The following TRIM15 variants were observed in gnomAD, a reference collection of about 807,000 sequenced individuals.
The protein encoded by TRIM15 is E3 ubiquitin-protein ligase TRIM15.
A neutral mutation model predicts 35.8 loss-of-function variants in TRIM15; 35 were observed. That is an observed-to-expected ratio of 0.98 (90% CI 0.75 to 1.30). The LOEUF (loss-of-function observed/expected upper bound fraction) is 1.30, where lower values mean the gene tolerates loss of function less well. Among genes scored for constraint, TRIM15 ranks in the 50% most tolerant of loss-of-function variants. The probability of loss-of-function intolerance (pLI) is 0.00; values close to 1 mark genes in which losing one functional copy is unlikely to be tolerated. For synonymous variants in TRIM15, 252 were observed against 249.8 expected (o/e 1.01, Z -0.08); for missense variants, 590 against 593.5 (o/e 0.99, Z 0.06).
At chr6:30,164,094 G>C (rs754721124) in intron 1 of TRIM15, 29 bp downstream of exon 1, 1 of 1,589,682 alleles carries the variant, frequency 6.3e-7, no homozygotes, top group Non-Finnish European at 8.6e-7. Flanking sequence ...CCTAGGGCCT[G>C]TTTGGGGCAG....
intron 5 of TRIM15, 62 bp downstream of exon 5, chr6:30,170,678 A>G (rs1213333421): frequency 1.5e-6 from 2 of 1,319,826 alleles, no homozygotes; most frequent in South Asian, 1.3e-5. Context: ...TCTTCCACCC[A>G]TCTCCATCCT....
rs375119144 is a variant in TRIM15 at position 30,171,963 on chromosome 6, G to A, written c.1012G>A (p.Val338Ile). 1.3e-6 allele frequency: 2 copies of A among 1,593,026 alleles called. No homozygotes were observed. Among genetic ancestry groups the A allele is most frequent in the African/African-American group, 1.3e-5 (1 of 74,662 alleles). ...CCTGCGCTTCGACGGCCTCCCGGCG[G>A]TTCTGGGCTTCCCGGGCTTCTCCTC... ...SPLRFDGLPAVLGFPGFSSGR... is the reference protein window; with the variant it reads ...SPLRFDGLPAILGFPGFSSGR... The change falls in exon 7 of 7, where the codon GTT (valine) becomes ATT (isoleucine). Residue 338 changes from valine (V) to isoleucine (I), a missense_variant. Val to Ile is a conservative substitution (Grantham distance 29). Coordinates refer to ENST00000376694, the MANE Select transcript of TRIM15 (RefSeq NM_033229.3).
rs765419095 is a variant in TRIM15, at chr6:30,172,362, G to A, written c.*13G>A. ...GCTGAAAGGCTGAAGTGGGGCGCGC[G>A]AAGGGCGGCGAAGCGGAGACGGCGG... On this transcript the variant is annotated 3_prime_UTR_variant, in exon 7 of 7. Coordinates refer to ENST00000376694, the MANE Select transcript of TRIM15 (RefSeq NM_033229.3). 2 of 1,577,530 alleles carry A rather than the reference G, an allele frequency of 1.3e-6. No individual in the cohort carries two copies. Among genetic ancestry groups the A allele is most frequent in the African/African-American group, 2.7e-5 (2 of 74,048 alleles).
intron 3 of TRIM15, 65 bp downstream of exon 3, chr6:30,168,595 A>G (rs908737269): frequency 2.8e-5 from 41 of 1,453,952 alleles, no homozygotes; most frequent in Non-Finnish European, 3.9e-5. Flanking sequence ...GGTGGGCACC[A>G]TGCTTTGGGC....
intron 1 of TRIM15, among the ~76,000 whole-genome samples, 183 bp downstream of exon 1, chr6:30,164,248 C>T (rs1351167497): frequency 6.6e-6 from 1 of 152,142 alleles, no homozygotes; most frequent in Admixed American, 6.5e-5. Flanking sequence ...TGTGGTAGTT[C>T]CTGGTCTGGG....
chr6:30,163,584 C>G lies in TRIM15; in HGVS notation c.-101C>G, dbSNP rs1773315203. On this transcript the variant is annotated 5_prime_UTR_variant, in exon 1 of 7. Coordinates refer to ENST00000376694, the MANE Select transcript of TRIM15 (RefSeq NM_033229.3). ...TCTCTCTGTCTCTTAGCCTTGCAGC[C>G]GTTTCCCTCTGCGATTCATGTAAGT... is the stretch of plus-strand genomic sequence containing the variant. The G allele has an allele frequency of 2.4e-6, 3 of 1,242,208 alleles. No homozygotes were observed. In the South Asian group the frequency reaches 4.7e-5, roughly 19 times the overall value. The allele number at this position is 1,242,208 out of a possible 1,614,324, so 76.9% of individuals were successfully genotyped here.
intron 4 of TRIM15, chr6:30,169,576 G>C (rs538374566): frequency 3.1e-6 from 2 of 640,780 alleles, no homozygotes; most frequent in South Asian, 3.1e-5. Flanking sequence ...ACTTGAGTCA[G>C]TATCTAACAC....
chr6:30,168,619 G>A, intron 3 of TRIM15, 89 bp downstream of exon 3: 1 of 1,281,622 alleles, frequency 7.8e-7, no homozygotes, highest in Non-Finnish European at 1.1e-6. Context: ...AGAGAGGCAG[G>A]AAAGGGAAGT....
intron 3 of TRIM15, 46 bp downstream of exon 3, chr6:30,168,576 G>A (rs747421276): frequency 2.3e-5 from 35 of 1,518,230 alleles, no homozygotes; most frequent in Non-Finnish European, 2.8e-5. Context: ...GGGACTCCAC[G>A]GGGAAGGGGG....
chr6:30,168,678 A>G, intron 3 of TRIM15, 148 bp downstream of exon 3: 1 of 753,088 alleles, frequency 1.3e-6, no homozygotes, highest in Non-Finnish European at 2.3e-6. Flanking sequence ...AGACTTGCCC[A>G]AGTCATACAC....
rs138151025 is a variant in TRIM15 at position 30,166,172 on chromosome 6, T to C, written c.382-1004T>C. ...CTTTTGGTGTTCTAGTCATGAAGTCTTTGCCCATGCCTATGTCCTGAATGG... is the reference window on the plus strand; with the variant it reads ...CTTTTGGTGTTCTAGTCATGAAGTCCTTGCCCATGCCTATGTCCTGAATGG... On this transcript the variant is annotated intron_variant, in intron 1 of 6. Transcript: ENST00000376694. Among the ~76,000 whole-genome samples, 661 of 152,246 alleles carry C rather than the reference T, an allele frequency of 4.3e-3. 7 individuals are homozygous for C. The highest frequency in any genetic ancestry group is 0.01 in the African/African-American group (432 of 41,510).
At chr6:30,170,285 G>A (rs1160551895) in intron 4 of TRIM15, 21 of 533,862 alleles carry the variant, frequency 3.9e-5, no homozygotes, top group Non-Finnish European at 6.6e-5. Context: ...TCCAATTCTT[G>A]AGAAGTGATT....
Position 30,171,901 on chromosome 6 carries a change from G to T in TRIM15, c.950G>T (p.Arg317Met). Residue 317 changes from arginine to methionine, a missense_variant, in exon 7 of 7, where the codon AGG becomes ATG. By Grantham distance (91) the Arg-to-Met change is moderately conservative. Transcript: ENST00000376694. ...CTCTCGGAAGACAGGAAGTCAGTGA[G>T]GTACACCCGGCAGAAGAAGAGCCTG... ...LVLSEDRKSVRYTRQKKSLPD... is the reference protein window; with the variant it reads ...LVLSEDRKSVMYTRQKKSLPD... The T allele has an allele frequency of 6.2e-7, 1 of 1,601,116 alleles. No individual in the cohort carries two copies.
chr6:30,165,428 T>A (rs1773528716), intron 1 of TRIM15, among the ~76,000 whole-genome samples: 1 of 152,266 alleles, frequency 6.6e-6, no homozygotes, highest in African/African-American at 2.4e-5. Flanking sequence ...GCAAAGGACA[T>A]GAACACATCT....
At chr6:30,168,216 A>T in intron 2 of TRIM15, 84 bp from the exon 3 acceptor site, 1 of 1,190,698 alleles carries the variant, frequency 8.4e-7, no homozygotes, top group Non-Finnish European at 1.2e-6. Context: ...TATCCCTGTT[A>T]ATCAATAATA....
rs1246781766 is a variant in TRIM15, at chr6:30,171,825, C to T, written c.881-7C>T. The stretch of plus-strand genomic sequence containing the variant: ...CGCTGTTGATGTCTGCGCGCTCCTC[C>T]CTCTAGGGGTCATCACTCTGGACCC... On this transcript the variant is annotated splice_polypyrimidine_tract_variant and splice_region_variant and intron_variant, in intron 6 of 6. Transcript: ENST00000376694. 6.6e-7 allele frequency: 1 copy of T among 1,508,918 alleles called. No homozygotes were observed. The allele number at this position is 1,508,918 out of a possible 1,614,324, so 93.5% of individuals were successfully genotyped here. A position where few individuals can be genotyped will look rare whatever the true frequency, so the allele number is the denominator to read the frequency against.
At chr6:30,168,633 G>A in intron 3 of TRIM15, 103 bp downstream of exon 3, 1 of 1,152,966 alleles carries the variant, frequency 8.7e-7, no homozygotes, top group East Asian at 2.6e-5. Flanking sequence ...GGGAAGTGGA[G>A]AGAGGTTAAC....
rs775304873 is a variant in TRIM15 at position 30,170,541 on chromosome 6, C to T, written c.772C>T (p.Pro258Ser). 4 of 1,614,002 alleles carry T rather than the reference C, an allele frequency of 2.5e-6. No individual in the cohort carries two copies. The East Asian group carries it at 8.9e-5, about 36-fold the overall frequency. Residue 258 changes from proline to serine, a missense_variant, in exon 5 of 7, where the codon CCT (proline) becomes TCT (serine). By Grantham distance (74) the Pro-to-Ser change is moderately conservative (BLOSUM62 -1). Transcript: ENST00000376694. ...KTFVSPEAIS[P>S]DLVKKIRDFH... ...TTTTGTGAGTCCTGAGGCCATTTCTCCTGACCTTGTCAAGAAGATCCGTGA... is the reference window on the plus strand; with the variant it reads ...TTTTGTGAGTCCTGAGGCCATTTCTTCTGACCTTGTCAAGAAGATCCGTGA...
chr6:30,171,729 C>G, intron 6 of TRIM15, 103 bp from the exon 7 acceptor site: 1 of 1,393,138 alleles, frequency 7.2e-7, no homozygotes, highest in Non-Finnish European at 9.4e-7. Context: ...CAATGGCAGG[C>G]TGCCCAAGTC....
Sources: allele counts gnomAD v4.1 joint callset (sites outside exome capture counted in the v4.1 genomes callset), GRCh38; gene constraint gnomAD v4.1.1; transcripts MANE v1.5; gene names NCBI Gene and HGNC (gene_info 2026-07-23, HGNC 2026-07-21).